The following UTP20 variants were observed in gnomAD, a reference collection of about 807,000 sequenced individuals.
The protein encoded by UTP20 is UTP20 small subunit processome component.
In UTP20, 164 loss-of-function variants were observed where a neutral mutation model predicts 329.5. The observed-to-expected ratio is 0.50, with a 90% CI of 0.44 to 0.57. The LOEUF (loss-of-function observed/expected upper bound fraction) is 0.57. Ranked by LOEUF, UTP20 falls within the 20% of genes least tolerant of loss-of-function variation. UTP20 has a pLI of 0.00. For missense variants in UTP20, 3,055 were observed against 3,284.2 expected, an observed-to-expected ratio of 0.93 and a Z score of 1.71; for synonymous variants, 1,151 against 1,159.3, an observed-to-expected ratio of 0.99 and a Z score of 0.14.
rs776641466 is a variant in UTP20 at position 101,365,480 on chromosome 12, T to C, written c.5980T>C (p.Leu1994=). 7 of 1,606,956 alleles carry C rather than the reference T, an allele frequency of 4.4e-6. No individual in the cohort carries two copies. The South Asian group carries it at 5.6e-5, about 13-fold the overall frequency. ...TTAGATCTTACAAAATACCACGAGTTTGAAACTGGCCCGGAAAGTTCATGA... is the reference window on the plus strand; with the variant it reads ...TTAGATCTTACAAAATACCACGAGTCTGAAACTGGCCCGGAAAGTTCATGA... The part of the protein sequence containing the change: ...LKEILQNTTS[L]KLARKVHETL... The change falls in exon 46 of 62, where the codon TTG becomes CTG. Residue 1994 remains leucine, a synonymous_variant. Coordinates refer to ENST00000261637, the MANE Select transcript of UTP20 (RefSeq NM_014503.3).
chr12:101,355,110 G>A lies in UTP20; in HGVS notation c.5386G>A (p.Ala1796Thr). The A allele has an allele frequency of 6.2e-7, 1 of 1,612,696 alleles. No individual in the cohort carries two copies. The highest frequency in any genetic ancestry group is 8.5e-7 in the Non-Finnish European group (1 of 1,179,248). Residue 1796 changes from alanine to threonine, a missense_variant, in exon 41 of 62, where the codon GCA becomes ACA. Around this residue, in one of 3 missense-constraint regions of UTP20, gnomAD observed 2,445 missense variants for 2,575.5 expected, o/e 0.95. Transcript: ENST00000261637. ...DILPRLHKCL[A>T]STTKREEEHK... ...TCTCCCCAGGCTACATAAATGCCTT[G>A]CATCTACGGTAATAAATTTATTCGG...
At chr12:101,328,532 T>C (rs986285316) in intron 26 of UTP20, among the ~76,000 whole-genome samples, 3 of 99,910 alleles carry the variant, frequency 3.0e-5, no homozygotes, top group African/African-American at 9.2e-5. Flanking sequence ...CCAAACTCAG[T>C]AGAGCTGAAT....
intron 57 of UTP20, among the ~76,000 whole-genome samples, chr12:101,380,027 C>T (rs1165798454): frequency 6.6e-6 from 1 of 152,076 alleles, no homozygotes; most frequent in Admixed American, 6.6e-5. Flanking sequence ...TAAATACTGT[C>T]TGTCTTGCCT....
At position 101,367,926 on chromosome 12, in the gene UTP20, G is replaced by T. The variant is rs1414253848; in HGVS notation, c.6334G>T (p.Asp2112Tyr). 2 of 1,613,844 alleles carry T rather than the reference G, an allele frequency of 1.2e-6. No homozygotes were observed. The highest frequency in any genetic ancestry group is 8.5e-7 in the Non-Finnish European group (1 of 1,179,838). ...AGGTGAATGTGTCCTGGAAATGCTG[G>T]ATCCTTTTGTGTCTCTCCTCATAGA... Reference protein sequence around the residue: ...SSGECVLEMLDPFVSLLIDCL... With the variant: ...SSGECVLEMLYPFVSLLIDCL... Residue 2112 changes from aspartate to tyrosine, a missense_variant, in exon 48 of 62, where the codon GAT becomes TAT. Asp to Tyr is a radical substitution (Grantham distance 160). Around this residue, in one of 3 missense-constraint regions of UTP20, gnomAD observed 2,445 missense variants for 2,575.5 expected, o/e 0.95. Coordinates refer to ENST00000261637, the MANE Select transcript of UTP20 (RefSeq NM_014503.3).
At position 101,346,439 on chromosome 12, in the gene UTP20, T is replaced by A. The variant is rs1267177512; in HGVS notation, c.4747-12T>A. ...TATTCGGTAACTAATTCATATTTTA[T>A]CTTACCCATAGATCCACAGAAGAGC... On this transcript the variant is annotated splice_polypyrimidine_tract_variant and intron_variant, in intron 37 of 61. Coordinates refer to ENST00000261637, the MANE Select transcript of UTP20 (RefSeq NM_014503.3). The A allele has an allele frequency of 3.2e-6, 5 of 1,575,748 alleles. No individual in the cohort carries two copies. Among genetic ancestry groups the A allele is most frequent in the Non-Finnish European group, 4.3e-6 (5 of 1,166,790 alleles).
intron 49 of UTP20, among the ~76,000 whole-genome samples, chr12:101,370,141 C>T (rs1248711496): frequency 6.6e-6 from 1 of 151,922 alleles, no homozygotes. Context: ...GATCACTTGA[C>T]AGGAGTTAGA....
At chr12:101,285,514 C>T (rs1871931392) in intron 2 of UTP20, 56 bp from the exon 3 acceptor site, 1 of 1,535,042 alleles carries the variant, frequency 6.5e-7, no homozygotes, top group Non-Finnish European at 9.0e-7. Flanking sequence ...TTCTATTTAC[C>T]TTGATCATTG....
intron 11 of UTP20, among the ~76,000 whole-genome samples, 157 bp downstream of exon 11, chr12:101,293,402 A>G (rs750765343): frequency 6.5e-4 from 99 of 152,172 alleles, no homozygotes; most frequent in Admixed American, 4.2e-3. Flanking sequence ...ATTATATTCA[A>G]TTCTAGATTA....
In UTP20 at chr12:101,371,096, T is replaced by C; in HGVS notation, c.6726T>C (p.Asp2242=). The change falls in exon 51 of 62, where the codon GAT becomes GAC. Residue 2242 remains aspartate, a synonymous_variant. Coordinates refer to ENST00000261637, the MANE Select transcript of UTP20 (RefSeq NM_014503.3). ...LSRKLLVPEI[D]EVMRKVSKLA... is the part of the protein sequence containing the mutation. The stretch of plus-strand genomic sequence containing the variant: ...GAAAGCTGTTGGTCCCAGAAATCGA[T>C]GAGGTCATGCGGAAAGTATCCAAGT... The C allele has an allele frequency of 1.2e-6, 2 of 1,614,108 alleles. No homozygotes were observed. The highest frequency in any genetic ancestry group is 8.5e-7 in the Non-Finnish European group (1 of 1,180,000).
chr12:101,359,680 C>G (rs1023884943), intron 43 of UTP20, among the ~76,000 whole-genome samples: 1 of 151,876 alleles, frequency 6.6e-6, no homozygotes, highest in Non-Finnish European at 1.5e-5. Context: ...TTTATTTTTT[C>G]TTTAGATCTT....
intron 43 of UTP20, among the ~76,000 whole-genome samples, chr12:101,360,176 G>A (rs10507130): frequency 0.2 from 30,139 of 152,094 alleles, 3,607 homozygotes; most frequent in East Asian, 0.37. Flanking sequence ...TAATCATGTA[G>A]ACTGTACCAA....
chr12:101,290,920 A>T (rs761478478), intron 8 of UTP20, 32 bp downstream of exon 8: 1 of 1,593,956 alleles, frequency 6.3e-7, no homozygotes, highest in South Asian at 1.2e-5. Flanking sequence ...TGGGTTTTTG[A>T]TAAGGAGTCT....
chr12:101,285,997 G>A, intron 4 of UTP20, 116 bp downstream of exon 4: 1 of 1,427,100 alleles, frequency 7.0e-7, no homozygotes. Context: ...AAACAAGGAG[G>A]ATTTTCCTTT....
chr12:101,306,956 A>G (rs1973102), intron 17 of UTP20, among the ~76,000 whole-genome samples, 195 bp downstream of exon 17: 78,539 of 151,782 alleles, frequency 0.52, 21,826 homozygotes, highest in East Asian at 0.94. Flanking sequence ...GGCGGATCAC[A>G]AGGCCAGGAG....
chr12:101,321,390 A>AAT (rs752578334), intron 24 of UTP20, 114 bp from the exon 25 acceptor site: 16 of 1,426,608 alleles, frequency 1.1e-5, no homozygotes, highest in Non-Finnish European at 1.5e-5. Flanking sequence ...TATCAACCAT[A>AAT]ATATGTACTA....
chr12:101,372,433 G>A (rs1030184419), intron 51 of UTP20, among the ~76,000 whole-genome samples: 1 of 152,190 alleles, frequency 6.6e-6, no homozygotes. Context: ...AACACTTAAC[G>A]CAGTGCTTGG....
Position 101,286,460 on chromosome 12 carries a change from T to TA in UTP20, c.467dup (p.Tyr156Ter). 1 of 1,614,032 alleles carries TA rather than the reference T, an allele frequency of 6.2e-7. No homozygotes were observed. Among genetic ancestry groups the TA allele is most frequent in the Non-Finnish European group, 8.5e-7 (1 of 1,179,952 alleles). ...EWAFTSLSYL[Y>*]KYLWRLMVKD... ...GGCTTTCACCTCGTTATCATATCTT[T>TA]ATAAGTACCTGTGGAGACTGATGGT... The change falls in exon 5 of 62, where the codon TAT (tyrosine) becomes TAAT (stop). Residue 156 changes from tyrosine (Y) to a stop codon, truncating the protein, a stop_gained and frameshift_variant. Transcript: ENST00000261637. LOFTEE classifies it high-confidence loss of function.
At position 101,302,510 on chromosome 12, in the gene UTP20, C is replaced by T; in HGVS notation, c.1738C>T (p.Leu580Phe). ...ACTAAGTTTGGAAGAATCTTCTGAA[C>T]TTCTTCATTTGGTTCCTGTGGAACG... ...TLLSLEESSE[L>F]LHLVPVERVK... The change falls in exon 15 of 62, where the codon CTT (leucine) becomes TTT (phenylalanine). Residue 580 changes from leucine (L) to phenylalanine (F), a missense_variant. This residue lies in a region of UTP20 where 2,445 missense variants were observed against 2,575.5 expected (regional missense o/e 0.95). Coordinates refer to ENST00000261637, the MANE Select transcript of UTP20 (RefSeq NM_014503.3). 1 of 1,611,138 alleles carries T rather than the reference C, an allele frequency of 6.2e-7. No homozygotes were observed. The highest frequency in any genetic ancestry group is 8.5e-7 in the Non-Finnish European group (1 of 1,179,294).
Position 101,363,741 on chromosome 12 carries a change from G to A in UTP20, c.5956G>A (p.Glu1986Lys). The stretch of plus-strand genomic sequence containing the variant: ...TACAAAACTCATCCTTCCATTAAAA[G>A]AGGTAAGGACGTAAATGCAATTCTG... ...QVTKLILPLKEILQNTTSLKL... is the reference protein window; with the variant it reads ...QVTKLILPLKKILQNTTSLKL... The change falls in exon 45 of 62, where the codon GAG becomes AAG. Residue 1986 changes from glutamate (E) to lysine (K), a missense_variant and splice_region_variant. Coordinates refer to ENST00000261637, the MANE Select transcript of UTP20 (RefSeq NM_014503.3). 1 of 1,592,786 alleles carries A rather than the reference G, an allele frequency of 6.3e-7. No individual in the cohort carries two copies. The highest frequency in any genetic ancestry group is 1.7e-4 in the Middle Eastern group (1 of 6,022).
Sources: gnomAD v4.1 joint callset for allele counts (sites outside exome capture counted in the v4.1 genomes callset) on GRCh38, gnomAD v4.1.1 for gene constraint, gnomAD v4.1.1 regional missense constraint, MANE v1.5 for transcripts, NCBI Gene and HGNC (gene_info 2026-07-23, HGNC 2026-07-21) for gene names.